Variants in SLC16A1 observed in about 807,000 individuals in gnomAD.
SLC16A1 encodes the protein solute carrier family 16 member 1.
SLC16A1 carries 11 observed loss-of-function variants against 32.2 expected under a neutral mutation model. That is an observed-to-expected ratio of 0.34 (90% CI 0.21 to 0.56). SLC16A1 has a LOEUF of 0.56. SLC16A1 is among the 20% of genes least tolerant of loss of function. The pLI, the probability that SLC16A1 is intolerant of heterozygous loss-of-function variation, is 0.87. For synonymous variants in SLC16A1, 231 were observed against 226.8 expected (o/e 1.02, Z -0.17); for missense variants, 435 against 615.0 (o/e 0.71, Z 3.10).
intron 2 of SLC16A1, among the ~76,000 whole-genome samples, chr1:112,927,285 C>G (rs1267149500): frequency 6.6e-6 from 1 of 151,610 alleles, no homozygotes; most frequent in Admixed American, 6.6e-5. Context: ...TTTATACTTT[C>G]ATGTTTAAAA....
At chr1:112,941,358 C>A (rs934838408) in intron 1 of SLC16A1, among the ~76,000 whole-genome samples, 1 of 150,338 alleles carries the variant, frequency 6.7e-6, no homozygotes, top group African/African-American at 2.5e-5. Flanking sequence ...CTTGGCTCAC[C>A]GCAACCTCCG....
At chr1:112,954,986 G>C (rs1369488397) in intron 1 of SLC16A1, among the ~76,000 whole-genome samples, 1 of 151,878 alleles carries the variant, frequency 6.6e-6, no homozygotes, top group Non-Finnish European at 1.5e-5. Flanking sequence ...GTTGAAACCA[G>C]AGTAATTTTT....
intron 1 of SLC16A1, among the ~76,000 whole-genome samples, chr1:112,935,523 G>A (rs985454367): frequency 6.6e-6 from 1 of 152,180 alleles, no homozygotes; most frequent in African/African-American, 2.4e-5. Flanking sequence ...TCAGAATTCA[G>A]GGGAGTGTCA....
chr1:112,948,089 A>G (rs1383500166), intron 1 of SLC16A1, among the ~76,000 whole-genome samples: 2 of 152,166 alleles, frequency 1.3e-5, no homozygotes, highest in African/African-American at 2.4e-5. Context: ...GCGTGGTGGT[A>G]TGCGCCTATA....
intron 1 of SLC16A1, among the ~76,000 whole-genome samples, chr1:112,930,341 C>T (rs1207435582): frequency 6.6e-6 from 1 of 152,108 alleles, no homozygotes; most frequent in African/African-American, 2.4e-5. Flanking sequence ...AAAAAACCCC[C>T]ACACTTCTGG....
At chr1:112,949,089 C>T (rs898677627) in intron 1 of SLC16A1, among the ~76,000 whole-genome samples, 10 of 152,178 alleles carry the variant, frequency 6.6e-5, no homozygotes, top group African/African-American at 2.4e-4. Context: ...ATCTCCTGAC[C>T]TTGTGATCCG....
chr1:112,915,269 A>C (rs2101619172), intron 4 of SLC16A1, among the ~76,000 whole-genome samples: 1 of 152,314 alleles, frequency 6.6e-6, no homozygotes, highest in South Asian at 2.1e-4. Context: ...CTTTCCTTAA[A>C]GTGTCAACTT....
chr1:112,922,577 C>G lies in SLC16A1; in HGVS notation c.218-444G>C, dbSNP rs558585886. On this transcript the variant is annotated intron_variant, in intron 2 of 4. Transcript: ENST00000369626. ...TCACCCGAGGTCAGGAGTTCAAGACCAGCCTGGCCAACATGGCGAAACCCC... is the reference window on the plus strand; with the variant it reads ...TCACCCGAGGTCAGGAGTTCAAGACGAGCCTGGCCAACATGGCGAAACCCC... Among the ~76,000 whole-genome samples, 4 of 152,218 alleles carry G rather than the reference C, an allele frequency of 2.6e-5. No homozygotes were observed. In the East Asian group the frequency reaches 7.8e-4, roughly 30 times the overall value.
intron 4 of SLC16A1, among the ~76,000 whole-genome samples, chr1:112,916,925 T>C (rs1648532374): frequency 6.6e-6 from 1 of 151,962 alleles, no homozygotes; most frequent in East Asian, 1.9e-4. Flanking sequence ...CAAGACTCCA[T>C]CTCAAAAAAA....
chr1:112,915,463 C>T (rs1424944057), intron 4 of SLC16A1, among the ~76,000 whole-genome samples: 2 of 152,144 alleles, frequency 1.3e-5, no homozygotes, highest in African/African-American at 4.8e-5. Context: ...GGAAGGACAG[C>T]TGGGGCCAGC....
chr1:112,944,527 T>A (rs58920012), intron 1 of SLC16A1, among the ~76,000 whole-genome samples: 238 of 152,318 alleles, frequency 1.6e-3, no homozygotes, highest in African/African-American at 5.5e-3. Context: ...TTAAAAGATA[T>A]GTGTGAATAG....
Position 112,947,477 on chromosome 1 carries a change from G to A in SLC16A1, c.-45+8558C>T, listed in dbSNP as rs113127620. The stretch of plus-strand genomic sequence containing the variant: ...TTCATTAAGAAAAAGATAAACAACA[G>A]AGAAAGCTTTTCCTTTTCTTGCAAA... On this transcript the variant is annotated intron_variant, in intron 1 of 4. Coordinates refer to ENST00000369626, the MANE Select transcript of SLC16A1 (RefSeq NM_003051.4). 6.3e-3 allele frequency among the ~76,000 whole-genome samples: 959 copies of A among 152,252 alleles called. 9 individuals carry two copies. Among genetic ancestry groups the A allele is most frequent in the African/African-American group, 0.022 (911 of 41,562 alleles).
At chr1:112,943,460 A>G (rs1300150069) in intron 1 of SLC16A1, among the ~76,000 whole-genome samples, 2 of 152,226 alleles carry the variant, frequency 1.3e-5, no homozygotes, top group Admixed American at 6.5e-5. Context: ...AATGTCCTAA[A>G]TTATCAAACT....
intron 1 of SLC16A1, among the ~76,000 whole-genome samples, chr1:112,941,211 T>C (rs1338207040): frequency 1.3e-5 from 2 of 150,982 alleles, no homozygotes; most frequent in African/African-American, 4.9e-5. Context: ...AATAAATAAA[T>C]AATGATGTAG....
chr1:112,919,924 AT>A (rs555792655), intron 3 of SLC16A1, among the ~76,000 whole-genome samples: 1 of 152,020 alleles, frequency 6.6e-6, no homozygotes, highest in Non-Finnish European at 1.5e-5. Context: ...ACTACCTGAT[AT>A]TTTTCTTATT....
chr1:112,950,387 A>G (rs1198451877), intron 1 of SLC16A1, among the ~76,000 whole-genome samples: 1 of 152,238 alleles, frequency 6.6e-6, no homozygotes, highest in East Asian at 1.9e-4. Flanking sequence ...ATAATCTTCA[A>G]AAGGTTTGTG....
At chr1:112,941,835 T>C (rs1183413468) in intron 1 of SLC16A1, among the ~76,000 whole-genome samples, 1 of 152,120 alleles carries the variant, frequency 6.6e-6, no homozygotes, top group Non-Finnish European at 1.5e-5. Context: ...TGGAGAGTGT[T>C]TGTAAGATCT....
At chr1:112,933,811 T>C (rs1239347351) in intron 1 of SLC16A1, among the ~76,000 whole-genome samples, 1 of 152,198 alleles carries the variant, frequency 6.6e-6, no homozygotes, top group Non-Finnish European at 1.5e-5. Context: ...GGAACACATT[T>C]TGGCAGTTCC....
At chr1:112,955,135 A>G (rs551262547) in intron 1 of SLC16A1, 10 of 152,336 alleles carry the variant, frequency 6.6e-5, no homozygotes, top group African/African-American at 2.4e-4. Flanking sequence ...GGAAACCCAA[A>G]GAAAGACTAA....
Sources: allele counts gnomAD v4.1 joint callset (sites outside exome capture counted in the v4.1 genomes callset), GRCh38; gene constraint gnomAD v4.1.1; transcripts MANE v1.5; gene names NCBI Gene and HGNC (gene_info 2026-07-23, HGNC 2026-07-21).